The following PBX1 variants were observed in gnomAD, a reference collection of about 807,000 sequenced individuals.
PBX1 encodes the protein PBX homeobox 1, also known as pre-B-cell leukemia transcription factor 1.
A neutral mutation model predicts 53.4 loss-of-function variants in PBX1; 6 were observed. The observed-to-expected ratio is 0.11, with a 90% CI of 0.06 to 0.22. The LOEUF is 0.22. Among genes scored for constraint, PBX1 ranks in the 10% least tolerant of loss-of-function variants. The pLI, the probability that PBX1 is intolerant of heterozygous loss-of-function variation, is 1.00. For synonymous variants in PBX1, 204 were observed against 212.3 expected (o/e 0.96, Z 0.34); for missense variants, 251 against 551.4 (o/e 0.46, Z 5.46).
Position 164,613,249 on chromosome 1 carries a change from G to C in PBX1, c.265+49938G>C, listed in dbSNP as rs16833184. On this transcript the variant is annotated intron_variant, in intron 2 of 8. Transcript: ENST00000420696. ...GCTATAGTGTTTTGTTACCATCCCTGTAAGACAAAGCATCTAAAGTAATCA... is the reference window on the plus strand; with the variant it reads ...GCTATAGTGTTTTGTTACCATCCCTCTAAGACAAAGCATCTAAAGTAATCA... 8.4e-3 allele frequency among the ~76,000 whole-genome samples: 1,271 copies of C among 152,208 alleles called. 15 individuals are homozygous for C. The highest frequency in any genetic ancestry group is 0.029 in the African/African-American group (1,210 of 41,520).
intron 2 of PBX1, chr1:164,683,840 C>T (rs1661934097): frequency 6.7e-6 from 1 of 149,626 alleles, no homozygotes; most frequent in African/African-American, 2.5e-5. Context: ...GTTTTTGAGA[C>T]AGGATTTCAC....
In PBX1 at chr1:164,621,700, G is replaced by A. The variant is rs1428685055; in HGVS notation, c.265+58389G>A. Reference sequence around the variant, plus strand: ...CCAGGGTGCACATTTAGCCAATGGAGTTTCTTAACTCCTTTGAGAAAAGGA... The same window carrying A: ...CCAGGGTGCACATTTAGCCAATGGAATTTCTTAACTCCTTTGAGAAAAGGA... On this transcript the variant is annotated intron_variant, in intron 2 of 8. Coordinates refer to ENST00000420696, the MANE Select transcript of PBX1 (RefSeq NM_002585.4). Among the ~76,000 whole-genome samples, 7 of 152,156 alleles carry A rather than the reference G, an allele frequency of 4.6e-5. 1 individual carries two copies. The South Asian group carries it at 1.4e-3, about 32-fold the overall frequency.
At chr1:164,864,502 T>C (rs1020134442) in intron 2 of PBX1, among the ~76,000 whole-genome samples, 2 of 152,208 alleles carry the variant, frequency 1.3e-5, no homozygotes, top group African/African-American at 4.8e-5. Context: ...ATCATTAAAT[T>C]GCAATCTGCC....
At chr1:164,845,425 G>C (rs1419847986) in intron 8 of PBX1, among the ~76,000 whole-genome samples, 1 of 151,298 alleles carries the variant, frequency 6.6e-6, no homozygotes, top group East Asian at 2.0e-4. Context: ...AAATTTTTCA[G>C]AGAATGAGAG....
chr1:164,781,775 C>T (rs1257537473), intron 2 of PBX1, among the ~76,000 whole-genome samples: 1 of 152,142 alleles, frequency 6.6e-6, no homozygotes, highest in Non-Finnish European at 1.5e-5. Flanking sequence ...CTCTAATGAC[C>T]AAGGTCTCTT....
intron 2 of PBX1, among the ~76,000 whole-genome samples, chr1:164,733,127 C>T (rs1005401237): frequency 4.6e-5 from 7 of 152,190 alleles, no homozygotes; most frequent in African/African-American, 1.7e-4. Context: ...GGCATCTTTT[C>T]TCACCAGGTT....
At chr1:164,803,838 A>G (rs1669204710) in intron 4 of PBX1, among the ~76,000 whole-genome samples, 1 of 152,098 alleles carries the variant, frequency 6.6e-6, no homozygotes, top group Non-Finnish European at 1.5e-5. Context: ...AATTCTGGCT[A>G]CAACCCTGAT....
intron 2 of PBX1, among the ~76,000 whole-genome samples, chr1:164,607,488 A>C (rs1046640557): frequency 6.6e-6 from 1 of 152,338 alleles, no homozygotes; most frequent in East Asian, 1.9e-4. Context: ...GAAGAAAGCT[A>C]CTGAGGAAGG....
chr1:164,799,486 G>A (rs1301718934), intron 3 of PBX1, among the ~76,000 whole-genome samples: 6 of 152,008 alleles, frequency 3.9e-5, no homozygotes, highest in African/African-American at 1.4e-4. Context: ...GCGAGACTCC[G>A]TCTCAAAAAA....
Position 164,820,334 on chromosome 1 carries a change from C to A in PBX1, c.1110+150C>A, listed in dbSNP as rs1670092820. On this transcript the variant is annotated intron_variant, in intron 7 of 8. Coordinates refer to ENST00000420696, the MANE Select transcript of PBX1 (RefSeq NM_002585.4). ...ACGACCGAACCAAAATCAAGACAAC[C>A]ATTGTCATGGGGAATCTCGTCCACA... 2.4e-5 allele frequency: 14 copies of A among 583,336 alleles called. No homozygotes were observed. The South Asian group carries it at 3.1e-4, about 13-fold the overall frequency. 36.1% of individuals were successfully genotyped at this position (583,336 alleles called of 1,614,324 possible).
chr1:164,809,441 A>T (rs1011947240), intron 5 of PBX1, among the ~76,000 whole-genome samples: 5 of 152,168 alleles, frequency 3.3e-5, no homozygotes, highest in African/African-American at 4.8e-5. Context: ...CAACTAAGCT[A>T]CCATTGCTAA....
chr1:164,731,093 G>A (rs779984925), intron 2 of PBX1, among the ~76,000 whole-genome samples: 12 of 152,116 alleles, frequency 7.9e-5, no homozygotes, highest in South Asian at 2.1e-4. Flanking sequence ...GGGCGCACGC[G>A]CATGCATGCA....
intron 2 of PBX1, among the ~76,000 whole-genome samples, chr1:164,655,422 T>C (rs1660108857): frequency 6.6e-6 from 1 of 152,188 alleles, no homozygotes; most frequent in African/African-American, 2.4e-5. Context: ...CTCTGAAGTC[T>C]TTTTTAAACT....
At chr1:164,856,655 G>A (rs1004660236), downstream of PBX1, among the ~76,000 whole-genome samples, 3 of 151,950 alleles carry the variant, frequency 2.0e-5, no homozygotes, top group Non-Finnish European at 2.9e-5. Context: ...CATTTCCTAT[G>A]CTACACCTTC....
chr1:164,682,991 A>T (rs973699616), intron 2 of PBX1: 5 of 152,200 alleles, frequency 3.3e-5, no homozygotes, highest in African/African-American at 1.2e-4. Context: ...TTTGATGTGG[A>T]AAGCTATTTA....
At chr1:164,720,395 T>C (rs1664339863) in intron 2 of PBX1, among the ~76,000 whole-genome samples, 1 of 152,152 alleles carries the variant, frequency 6.6e-6, no homozygotes, top group Admixed American at 6.5e-5. Context: ...AAGTCACCCG[T>C]ACTGCCAAGG....
At chr1:164,691,501 T>C (rs1662485825) in intron 2 of PBX1, among the ~76,000 whole-genome samples, 1 of 152,176 alleles carries the variant, frequency 6.6e-6, no homozygotes, top group Non-Finnish European at 1.5e-5. Flanking sequence ...TTCCTCCAGC[T>C]CTATCACTTC....
At chr1:164,587,695 G>T (rs1172269030) in intron 2 of PBX1, among the ~76,000 whole-genome samples, 3 of 152,140 alleles carry the variant, frequency 2.0e-5, no homozygotes, top group Non-Finnish European at 4.4e-5. Flanking sequence ...TCATCCTGTT[G>T]ACCCATCTGC....
chr1:164,883,203 AG>A (rs1342583527), intron 2 of PBX1, among the ~76,000 whole-genome samples: 1 of 152,206 alleles, frequency 6.6e-6, no homozygotes, highest in South Asian at 2.1e-4. Context: ...ATCAGTGTTC[AG>A]GTACAGAGTA....
Sources: gnomAD v4.1 joint callset for allele counts (sites outside exome capture counted in the v4.1 genomes callset) on GRCh38, gnomAD v4.1.1 for gene constraint, MANE v1.5 for transcripts, NCBI Gene and HGNC (gene_info 2026-07-23, HGNC 2026-07-21) for gene names.